Variants in FAM13A observed in about 807,000 individuals in gnomAD.
FAM13A encodes the protein family with sequence similarity 13 member A, also known as protein FAM13A.
A neutral mutation model predicts 129.6 loss-of-function variants in FAM13A; 76 were observed. The observed-to-expected ratio is 0.59, with a 90% CI of 0.49 to 0.71. FAM13A has a LOEUF of 0.71. Ranked by LOEUF, FAM13A falls within the 30% of genes least tolerant of loss-of-function variation. The pLI is 0.00. For synonymous variants in FAM13A, 443 were observed against 449.9 expected (o/e 0.98, Z 0.20); for missense variants, 1,108 against 1,249.3 (o/e 0.89, Z 1.70).
chr4:89,010,786 T>C (rs1288371519), intron 3 of FAM13A, among the ~76,000 whole-genome samples: 1 of 152,188 alleles, frequency 6.6e-6, no homozygotes, highest in Non-Finnish European at 1.5e-5. Context: ...GCCACCAGAC[T>C]ACCCCTTCCT....
At chr4:88,911,255 G>T (rs1403045578) in intron 5 of FAM13A, among the ~76,000 whole-genome samples, 1 of 152,122 alleles carries the variant, frequency 6.6e-6, no homozygotes, top group Non-Finnish European at 1.5e-5. Flanking sequence ...AAAGTACAAT[G>T]TTGGATGAAT....
At chr4:89,050,940 A>G (rs969408696) in intron 1 of FAM13A, among the ~76,000 whole-genome samples, 1 of 152,156 alleles carries the variant, frequency 6.6e-6, no homozygotes, top group Non-Finnish European at 1.5e-5. Flanking sequence ...AAAAAAAAAG[A>G]ACTACAAAGA....
intron 4 of FAM13A, among the ~76,000 whole-genome samples, chr4:88,958,174 T>C (rs905919692): frequency 2.0e-4 from 31 of 152,058 alleles, no homozygotes; most frequent in African/African-American, 6.3e-4. Context: ...TAATAGCCGA[T>C]ACAATGAGCA....
At chr4:88,807,651 T>C (rs1301834843) in intron 7 of FAM13A, among the ~76,000 whole-genome samples, 2 of 152,164 alleles carry the variant, frequency 1.3e-5, no homozygotes, top group Non-Finnish European at 2.9e-5. Flanking sequence ...CACAACAAGA[T>C]CTCGTGGACT....
rs1740173293 is a variant in FAM13A at position 88,865,198 on chromosome 4, A to AT, written c.844-14016dup. Among the ~76,000 whole-genome samples the AT allele has an allele frequency of 1.3e-5, 2 of 152,200 alleles. 1 individual carries two copies. The highest frequency in any genetic ancestry group is 2.9e-5 in the Non-Finnish European group (2 of 68,036). ...TCTGTTATTATTTTTGCCTTAGCCT[A>AT]TATCTCAGGAAAAGCCATATTGAGA... On this transcript the variant is annotated intron_variant, in intron 6 of 23. Coordinates refer to ENST00000264344, the MANE Select transcript of FAM13A (RefSeq NM_014883.4).
At chr4:88,826,429 C>T (rs903879345) in intron 7 of FAM13A, among the ~76,000 whole-genome samples, 3 of 152,042 alleles carry the variant, frequency 2.0e-5, no homozygotes, top group African/African-American at 7.2e-5. Context: ...TCTGGGCTGT[C>T]TATTGCCAGA....
intron 7 of FAM13A, among the ~76,000 whole-genome samples, chr4:88,833,902 T>G (rs1734341867): frequency 6.6e-6 from 1 of 151,786 alleles, no homozygotes; most frequent in Non-Finnish European, 1.5e-5. Flanking sequence ...AAAATCCAAT[T>G]TATTTAATTT....
intron 3 of FAM13A, among the ~76,000 whole-genome samples, chr4:89,005,429 C>T (rs1001785605): frequency 1.3e-5 from 2 of 152,096 alleles, no homozygotes; most frequent in Non-Finnish European, 2.9e-5. Flanking sequence ...TGGGTATATA[C>T]CTAGTAATGA....
intron 8 of FAM13A, 105 bp downstream of exon 8, chr4:88,804,905 AG>A: frequency 1.4e-6 from 1 of 698,290 alleles, no homozygotes; most frequent in Admixed American, 2.7e-5. Flanking sequence ...GTCTGGCCAC[AG>A]TAATGAATGT....
intron 6 of FAM13A, among the ~76,000 whole-genome samples, chr4:88,896,598 T>C (rs997660554): frequency 1.2e-4 from 19 of 152,358 alleles, no homozygotes; most frequent in Admixed American, 9.2e-4. Context: ...CATCTCATTA[T>C]TGAATAAAAT....
chr4:88,853,175 G>A (rs560402055), intron 6 of FAM13A, among the ~76,000 whole-genome samples: 28 of 152,088 alleles, frequency 1.8e-4, no homozygotes, highest in Non-Finnish European at 2.2e-4. Context: ...TATTATAAAC[G>A]TACAAAAACA....
chr4:88,879,247 G>T (rs1432429447), intron 6 of FAM13A, among the ~76,000 whole-genome samples: 2 of 152,128 alleles, frequency 1.3e-5, no homozygotes, highest in Non-Finnish European at 1.5e-5. Context: ...CTAATCCCTA[G>T]ATGCTTACTA....
At chr4:88,907,311 C>T (rs1748326724) in intron 5 of FAM13A, among the ~76,000 whole-genome samples, 1 of 152,156 alleles carries the variant, frequency 6.6e-6, no homozygotes, top group South Asian at 2.1e-4. Flanking sequence ...CATAATCCTC[C>T]ATATCCCATT....
chr4:89,029,172 T>C (rs1560870696), intron 2 of FAM13A, among the ~76,000 whole-genome samples: 1 of 152,210 alleles, frequency 6.6e-6, no homozygotes, highest in Non-Finnish European at 1.5e-5. Context: ...AAACTGACTA[T>C]TAATATTACA....
chr4:88,806,805 A>G (rs74967005), intron 7 of FAM13A, among the ~76,000 whole-genome samples: 92 of 152,292 alleles, frequency 6.0e-4, no homozygotes, highest in Admixed American at 9.8e-4. Context: ...TCCAGGAAGA[A>G]ACCACCTGAA....
chr4:88,760,925 A>G (rs541874901), intron 13 of FAM13A, among the ~76,000 whole-genome samples: 1 of 152,272 alleles, frequency 6.6e-6, no homozygotes, highest in Admixed American at 6.5e-5. Flanking sequence ...AAAGATTTAT[A>G]ATGCTTATTA....
Position 88,926,622 on chromosome 4 carries a change from T to C in FAM13A, c.759+11466A>G, listed in dbSNP as rs190416545. 7.5e-4 allele frequency among the ~76,000 whole-genome samples: 115 copies of C among 152,338 alleles called. 1 individual carries two copies. The highest frequency in any genetic ancestry group is 7.4e-3 in the Admixed American group (113 of 15,286). On this transcript the variant is annotated intron_variant, in intron 5 of 23. Coordinates refer to ENST00000264344, the MANE Select transcript of FAM13A (RefSeq NM_014883.4). ...CTAATGATTCATGAGAAGACATGACTTTCTAGTGTTTACCTATAATCGCTC... is the reference window on the plus strand; with the variant it reads ...CTAATGATTCATGAGAAGACATGACCTTCTAGTGTTTACCTATAATCGCTC...
chr4:88,902,999 T>C (rs145002492), intron 6 of FAM13A, among the ~76,000 whole-genome samples: 1,552 of 152,156 alleles, frequency 0.01, 25 homozygotes, highest in African/African-American at 0.035. Context: ...CCATTCACAA[T>C]TGCTACAAAA....
chr4:88,821,641 T>G (rs1308082663), intron 7 of FAM13A, among the ~76,000 whole-genome samples: 2 of 152,132 alleles, frequency 1.3e-5, no homozygotes, highest in Non-Finnish European at 2.9e-5. Context: ...ACTGATGTCA[T>G]TATAAGGGGA....
Sources: gnomAD v4.1 joint callset for allele counts (sites outside exome capture counted in the v4.1 genomes callset) on GRCh38, gnomAD v4.1.1 for gene constraint, MANE v1.5 for transcripts, NCBI Gene and HGNC (gene_info 2026-07-23, HGNC 2026-07-21) for gene names.